FBLN5: variants seen among roughly 807,000 people sequenced by gnomAD.
FBLN5 encodes the protein fibulin 5.
Under a neutral mutation model 61.6 loss-of-function variants are expected in FBLN5, and 24 were observed. That is an observed-to-expected ratio of 0.39 (90% confidence interval 0.28 to 0.55). The LOEUF is 0.55. Ranked by LOEUF, FBLN5 falls within the 20% of genes least tolerant of loss-of-function variation. The pLI is 0.65. For synonymous variants in FBLN5, 213 were observed against 219.8 expected (o/e 0.97, Z 0.27); for missense variants, 470 against 594.1 (o/e 0.79, Z 2.17).
At chr14:91,917,193 G>T (rs1171867662) in intron 4 of FBLN5, among the ~76,000 whole-genome samples, 1 of 152,292 alleles carries the variant, frequency 6.6e-6, no homozygotes, top group Non-Finnish European at 1.5e-5. Context: ...TCATTGGAGA[G>T]AGAGAAAAAA....
In FBLN5 at chr14:91,947,126, T is replaced by C. The variant is rs1595354364; in HGVS notation, c.17+87A>G. On this transcript the variant is annotated intron_variant, in intron 1 of 10. Coordinates refer to ENST00000342058, the MANE Select transcript of FBLN5 (RefSeq NM_006329.4). This position sits in a 1 kb window ranked among gnomAD's most constrained non-coding sequence, Gnocchi z 4.3. Reference sequence around the variant, plus strand: ...TTCCAATATCCTGACACCGCCTGAATCGCAGCCATAACCATTTTCCACCCA... The same window carrying C: ...TTCCAATATCCTGACACCGCCTGAACCGCAGCCATAACCATTTTCCACCCA... 6.3e-7 allele frequency: 1 copy of C among 1,594,076 alleles called. No homozygotes were observed. The highest frequency in any genetic ancestry group is 1.1e-5 in the South Asian group (1 of 90,032).
At chr14:91,883,212 T>C in intron 7 of FBLN5, 136 bp from the exon 8 acceptor site, 1 of 918,822 alleles carries the variant, frequency 1.1e-6, no homozygotes, top group South Asian at 1.4e-5. Context: ...TCAATTCACT[T>C]CTCCAGCACT....
chr14:91,891,394 A>T (rs549313264), intron 5 of FBLN5, 57 bp from the exon 6 acceptor site: 2 of 1,073,282 alleles, frequency 1.9e-6, no homozygotes, highest in Non-Finnish European at 1.5e-6. Flanking sequence ...TGATGCCCCC[A>T]CTAGCATGGC....
In FBLN5 at chr14:91,947,412, C is replaced by T; in HGVS notation, c.-183G>A. 1 of 687,348 alleles carries T rather than the reference C, an allele frequency of 1.5e-6. No homozygotes were observed. Among genetic ancestry groups the T allele is most frequent in the Non-Finnish European group, 2.6e-6 (1 of 380,850 alleles). The allele number at this position is 687,348 out of a possible 1,614,324, so 42.6% of individuals were successfully genotyped here. On this transcript the variant is annotated 5_prime_UTR_variant, in exon 1 of 11. Transcript: ENST00000342058. The surrounding 1 kb of genome is among the most constrained non-coding windows in gnomAD (Gnocchi z 4.3). ...AGCGCCGGGGTCCTCCCAGCCACTG[C>T]AGAGCCCTCAGCGCAAGCACCTGGT... is the stretch of plus-strand genomic sequence containing the variant.
In FBLN5 at chr14:91,947,535, T is replaced by TG. The variant is rs569705994; in HGVS notation, c.-307dup. ...TTCTAAGTATGTTAAACAATGCAAA[T>TG]GGGGCCTCAGTCTGGACACAGCTGG... On this transcript the variant is annotated 5_prime_UTR_variant, in exon 1 of 11. Coordinates refer to ENST00000342058, the MANE Select transcript of FBLN5 (RefSeq NM_006329.4). This position sits in a 1 kb window ranked among gnomAD's most constrained non-coding sequence, Gnocchi z 4.3. 1.6e-4 allele frequency: 85 copies of TG among 516,232 alleles called. No homozygotes were observed. The highest frequency in any genetic ancestry group is 5.4e-4 in the Admixed American group (17 of 31,294). 32.0% of individuals were successfully genotyped at this position (516,232 alleles called of 1,614,324 possible).
At chr14:91,892,508 C>T (rs1302951516) in intron 5 of FBLN5, among the ~76,000 whole-genome samples, 2 of 152,242 alleles carry the variant, frequency 1.3e-5, no homozygotes, top group African/African-American at 4.8e-5. Flanking sequence ...TTCAGCCCTT[C>T]TCAGATTCTG....
At chr14:91,876,367 A>G (rs2139947716) in intron 10 of FBLN5, among the ~76,000 whole-genome samples, 1 of 152,326 alleles carries the variant, frequency 6.6e-6, no homozygotes, top group East Asian at 1.9e-4. Context: ...AGATCACAGC[A>G]GCATCTGTTA....
intron 4 of FBLN5, 55 bp from the exon 5 acceptor site, chr14:91,895,127 A>T (rs903519281): frequency 5.0e-6 from 8 of 1,607,370 alleles, no homozygotes; most frequent in Non-Finnish European, 6.0e-6. Context: ...AGAGCCCTGG[A>T]GCCACCAGGG....
intron 5 of FBLN5, 123 bp downstream of exon 5, chr14:91,894,827 C>CT: frequency 2.2e-6 from 1 of 445,676 alleles, no homozygotes; most frequent in Non-Finnish European, 4.5e-6. Flanking sequence ...TTCCACCCCT[C>CT]CCGCCCTCCC....
chr14:91,910,600 G>A (rs1566815720), intron 4 of FBLN5, among the ~76,000 whole-genome samples: 1 of 152,170 alleles, frequency 6.6e-6, no homozygotes, highest in East Asian at 1.9e-4. Context: ...TCTATAAACT[G>A]TTCCCACTGA....
intron 2 of FBLN5, among the ~76,000 whole-genome samples, chr14:91,941,042 A>G (rs1301483462): frequency 6.6e-6 from 1 of 152,180 alleles, no homozygotes; most frequent in Non-Finnish European, 1.5e-5. Context: ...GAAGAGCAAG[A>G]GGAATCATAT....
intron 1 of FBLN5, among the ~76,000 whole-genome samples, chr14:91,945,450 G>T (rs1266198902): frequency 6.6e-6 from 1 of 152,118 alleles, no homozygotes; most frequent in African/African-American, 2.4e-5. Context: ...TACCTATTGG[G>T]TGCCATAACA....
At chr14:91,946,895 C>A in intron 1 of FBLN5, 1 of 1,469,250 alleles carries the variant, frequency 6.8e-7, no homozygotes, top group Non-Finnish European at 8.9e-7. Flanking sequence ...AAAATACATA[C>A]AAAAATCCCT....
intron 4 of FBLN5, among the ~76,000 whole-genome samples, chr14:91,906,711 G>A (rs941882821): frequency 2.0e-5 from 3 of 152,240 alleles, no homozygotes. Flanking sequence ...GGAAGGCAGG[G>A]AGGCGAGGGA....
chr14:91,947,139 C>A lies in FBLN5; in HGVS notation c.17+74G>T. The A allele has an allele frequency of 1.2e-6, 2 of 1,605,564 alleles. No homozygotes were observed. The highest frequency in any genetic ancestry group is 1.1e-5 in the South Asian group (1 of 90,690). On this transcript the variant is annotated intron_variant, in intron 1 of 10. Coordinates refer to ENST00000342058, the MANE Select transcript of FBLN5 (RefSeq NM_006329.4). The surrounding 1 kb of genome is among the most constrained non-coding windows in gnomAD (Gnocchi z 4.3). ...ACACCGCCTGAATCGCAGCCATAAC[C>A]ATTTTCCACCCATCGGATTTTTAGC...
At chr14:91,915,346 C>G (rs1159882466) in intron 4 of FBLN5, among the ~76,000 whole-genome samples, 1 of 151,948 alleles carries the variant, frequency 6.6e-6, no homozygotes, top group African/African-American at 2.4e-5. Flanking sequence ...GTAAAACTGA[C>G]TTAAGAAGAA....
At chr14:91,940,688 A>G in intron 2 of FBLN5, 72 bp from the exon 3 acceptor site, 1 of 1,346,782 alleles carries the variant, frequency 7.4e-7, no homozygotes, top group Non-Finnish European at 1.1e-6. Context: ...TGCAACACAG[A>G]AAGTTGGGGA....
At chr14:91,876,605 G>C (rs771426603) in intron 10 of FBLN5, among the ~76,000 whole-genome samples, 4 of 152,166 alleles carry the variant, frequency 2.6e-5, no homozygotes, top group Non-Finnish European at 5.9e-5. Flanking sequence ...GGAGGAAGAG[G>C]AGGCAGCGTG....
rs941143923 is a variant in FBLN5, at chr14:91,937,350, G to A, written c.125-149C>T. 18 of 940,864 alleles carry A rather than the reference G, an allele frequency of 1.9e-5. No individual in the cohort carries two copies. The African/African-American group carries it at 2.6e-4, about 14-fold the overall frequency. 58.3% of individuals were successfully genotyped at this position (940,864 alleles called of 1,614,324 possible). A position where few individuals can be genotyped will look rare whatever the true frequency, so the allele number is the denominator to read the frequency against. ...CTCATCGCGGTAAGGTACCCCAAAT[G>A]TTGGCTGAAGTGTATCAAAGTAACC... On this transcript the variant is annotated intron_variant, in intron 3 of 10. Coordinates refer to ENST00000342058, the MANE Select transcript of FBLN5 (RefSeq NM_006329.4).
Sources: gnomAD v4.1 joint callset for allele counts (sites outside exome capture counted in the v4.1 genomes callset) on GRCh38, gnomAD v4.1.1 for gene constraint, Gnocchi (gnomAD v3.1) non-coding constraint, MANE v1.5 for transcripts, NCBI Gene and HGNC (gene_info 2026-07-23, HGNC 2026-07-21) for gene names.